The following FRMD5 variants were observed in gnomAD, a reference collection of about 807,000 sequenced individuals.
FRMD5 encodes the protein FERM domain containing 5.
FRMD5 carries 20 observed loss-of-function variants against 69.0 expected under a neutral mutation model. The observed-to-expected ratio is 0.29, with a 90% CI of 0.20 to 0.42. The LOEUF (loss-of-function observed/expected upper bound fraction) is 0.42. FRMD5 is among the 10% of genes least tolerant of loss of function. The pLI is 1.00. For missense variants in FRMD5, 595 were observed against 708.6 expected, an observed-to-expected ratio of 0.84 and a Z score of 1.82; for synonymous variants, 271 against 260.1, an observed-to-expected ratio of 1.04 and a Z score of -0.40.
intron 1 of FRMD5, among the ~76,000 whole-genome samples, chr15:44,163,088 A>G (rs1158119481): frequency 1.3e-5 from 2 of 151,986 alleles, no homozygotes; most frequent in Non-Finnish European, 2.9e-5. Flanking sequence ...GCAGCAGAAC[A>G]GCGTGAACCC....
intron 1 of FRMD5, among the ~76,000 whole-genome samples, chr15:43,961,305 A>G (rs921786890): frequency 3.9e-5 from 6 of 152,262 alleles, no homozygotes; most frequent in Admixed American, 2.6e-4. Context: ...AAAATCTAGA[A>G]GAAATGGAGA....
At chr15:43,941,285 T>C (rs1197311987) in intron 1 of FRMD5, among the ~76,000 whole-genome samples, 1 of 152,194 alleles carries the variant, frequency 6.6e-6, no homozygotes, top group Non-Finnish European at 1.5e-5. Flanking sequence ...GGAGGATCGC[T>C]GTGTTGCCCA....
At position 44,032,275 on chromosome 15, in the gene FRMD5, C is replaced by T. The variant is rs565927031; in HGVS notation, c.103-107966G>A. On this transcript the variant is annotated intron_variant, in intron 1 of 13. Transcript: ENST00000417257. ...TGGAAGACAACCTAGGCAATACCATCCTGGACATAGGAACAAGCAAAGATT... is the reference window on the plus strand; with the variant it reads ...TGGAAGACAACCTAGGCAATACCATTCTGGACATAGGAACAAGCAAAGATT... Among the ~76,000 whole-genome samples the T allele has an allele frequency of 2.0e-5, 3 of 152,182 alleles. No individual in the cohort carries two copies. In the East Asian group the frequency reaches 5.8e-4, roughly 29 times the overall value.
In FRMD5 at chr15:44,050,528, C is replaced by CT. The variant is rs34133842; in HGVS notation, c.103-126220dup. Among the ~76,000 whole-genome samples the CT allele has an allele frequency of 2.2e-3, 205 of 93,712 alleles. 1 individual carries two copies. The highest frequency in any genetic ancestry group is 5.3e-3 in the African/African-American group (153 of 28,606). The allele number at this position is 93,712 out of a possible 152,430, so 61.5% of individuals were successfully genotyped here. A position where few individuals can be genotyped will look rare whatever the true frequency, so the allele number is the denominator to read the frequency against. On this transcript the variant is annotated intron_variant, in intron 1 of 13. Coordinates refer to ENST00000417257, the MANE Select transcript of FRMD5 (RefSeq NM_032892.5). Reference sequence around the variant, plus strand: ...GGCACATGCCACCATGCCTGGCTCCCTTTTTTTTTTTTTTTTTTTTTGGTA... The same window carrying CT: ...GGCACATGCCACCATGCCTGGCTCCCTTTTTTTTTTTTTTTTTTTTTTGGTA...
chr15:44,015,957 T>A (rs1890937262), intron 1 of FRMD5, among the ~76,000 whole-genome samples: 1 of 151,908 alleles, frequency 6.6e-6, no homozygotes, highest in African/African-American at 2.4e-5. Context: ...CAGAATACAA[T>A]ATTCAGATAC....
At chr15:43,902,757 C>T (rs923982038) in intron 6 of FRMD5, among the ~76,000 whole-genome samples, 8 of 151,128 alleles carry the variant, frequency 5.3e-5, no homozygotes, top group Middle Eastern at 3.5e-3. Context: ...GTCAGAGATA[C>T]TGATTTTTAT....
Position 43,962,848 on chromosome 15 carries a change from G to C in FRMD5, c.103-38539C>G, listed in dbSNP as rs2090226402. Among the ~76,000 whole-genome samples, 5 of 152,178 alleles carry C rather than the reference G, an allele frequency of 3.3e-5. No homozygotes were observed. The South Asian group carries it at 1.0e-3, about 32-fold the overall frequency. ...TAGATGGTGGTGGGAAAACTGGCTA[G>C]CCATATGCAGAAAGCTGAAACTGGA... On this transcript the variant is annotated intron_variant, in intron 1 of 13. Coordinates refer to ENST00000417257, the MANE Select transcript of FRMD5 (RefSeq NM_032892.5).
intron 1 of FRMD5, among the ~76,000 whole-genome samples, chr15:44,010,400 C>CTTTT (rs5812260): frequency 7.1e-6 from 1 of 139,950 alleles, no homozygotes; most frequent in Non-Finnish European, 1.5e-5. Context: ...TTTTCCTTTT[C>CTTTT]TTTTTTTTTT....
intron 1 of FRMD5, among the ~76,000 whole-genome samples, chr15:44,141,638 T>C (rs1040689324): frequency 2.0e-5 from 3 of 152,232 alleles, no homozygotes; most frequent in East Asian, 1.9e-4. Context: ...ACTTTCTTAC[T>C]TGATACAATT....
At chr15:44,012,967 T>C (rs959007395) in intron 1 of FRMD5, among the ~76,000 whole-genome samples, 5 of 152,122 alleles carry the variant, frequency 3.3e-5, no homozygotes, top group Non-Finnish European at 7.4e-5. Context: ...GGTTTCACCA[T>C]GTTGGTCAGG....
chr15:44,057,320 G>A (rs1271331621), intron 1 of FRMD5, among the ~76,000 whole-genome samples: 1 of 151,602 alleles, frequency 6.6e-6, no homozygotes, highest in Admixed American at 6.6e-5. Flanking sequence ...TGGCCAGGCT[G>A]GTCTTGAACT....
At chr15:43,936,825 C>T (rs982102416) in intron 1 of FRMD5, among the ~76,000 whole-genome samples, 4 of 151,568 alleles carry the variant, frequency 2.6e-5, no homozygotes, top group Non-Finnish European at 4.4e-5. Flanking sequence ...AGAAAGATGC[C>T]GACAGTACAG....
intron 1 of FRMD5, chr15:44,063,882 C>T (rs142732656): frequency 7.7e-5 from 21 of 272,174 alleles, no homozygotes; most frequent in South Asian, 6.8e-4. Flanking sequence ...TCTCTGCCCC[C>T]TCTGTCGACG....
At chr15:44,079,979 TAC>T (rs1242337227) in intron 1 of FRMD5, among the ~76,000 whole-genome samples, 3 of 152,090 alleles carry the variant, frequency 2.0e-5, no homozygotes, top group Non-Finnish European at 2.9e-5. Flanking sequence ...ATTTAATGGA[TAC>T]AGAGTTTCAG....
chr15:44,032,849 C>A (rs987681083), intron 1 of FRMD5, among the ~76,000 whole-genome samples: 6 of 152,164 alleles, frequency 3.9e-5, no homozygotes, highest in Non-Finnish European at 8.8e-5. Context: ...CCAGCAATCC[C>A]ATTACTGGGT....
intron 3 of FRMD5, 33 bp from the exon 4 acceptor site, chr15:43,919,570 ACT>A: frequency 6.2e-7 from 1 of 1,603,982 alleles, no homozygotes; most frequent in South Asian, 1.1e-5. Context: ...ATCAGGGAAG[ACT>A]CTCACCCAGA....
chr15:44,067,090 A>G (rs1450732638), intron 1 of FRMD5, among the ~76,000 whole-genome samples: 1 of 152,176 alleles, frequency 6.6e-6, no homozygotes, highest in African/African-American at 2.4e-5. Flanking sequence ...AAATTCCCGT[A>G]ATTCAAAAGA....
intron 1 of FRMD5, among the ~76,000 whole-genome samples, chr15:44,009,437 T>C (rs1890612716): frequency 6.6e-6 from 1 of 152,012 alleles, no homozygotes; most frequent in Non-Finnish European, 1.5e-5. Flanking sequence ...CCCAGCACTT[T>C]GGGAGGCTGA....
intron 1 of FRMD5, among the ~76,000 whole-genome samples, chr15:44,079,749 T>C (rs1169649705): frequency 6.6e-6 from 1 of 152,078 alleles, no homozygotes; most frequent in African/African-American, 2.4e-5. Context: ...ATGTGGTATA[T>C]ACACAAAATG....
Sources: gnomAD v4.1 joint callset for allele counts (sites outside exome capture counted in the v4.1 genomes callset) on GRCh38, gnomAD v4.1.1 for gene constraint, MANE v1.5 for transcripts, NCBI Gene and HGNC (gene_info 2026-07-23, HGNC 2026-07-21) for gene names.